KANK3: variants seen among roughly 807,000 people sequenced by gnomAD.
The protein encoded by KANK3 is KN motif and ankyrin repeat domains 3, also known as KN motif and ankyrin repeat domain-containing protein 3.
In KANK3, 61 loss-of-function variants were observed where a neutral mutation model predicts 65.4. That is an observed-to-expected ratio of 0.93 (90% CI 0.76 to 1.15). The LOEUF (loss-of-function observed/expected upper bound fraction) is 1.15, where lower values mean the gene tolerates loss of function less well. KANK3 is among the 50% of genes most tolerant of loss of function. KANK3 has a pLI of 0.00. For synonymous variants in KANK3, 586 were observed against 543.3 expected, an observed-to-expected ratio of 1.08 and a Z score of -1.09; for missense variants, 1,187 against 1,178.8, an observed-to-expected ratio of 1.01 and a Z score of -0.10.
intron 7 of KANK3, among the ~76,000 whole-genome samples, chr19:8,328,564 G>C (rs978891392): frequency 6.6e-6 from 1 of 152,034 alleles, no homozygotes. Context: ...ATCCACAACA[G>C]GCTGAAGGAG....
chr19:8,332,963 T>G, intron 7 of KANK3, 51 bp downstream of exon 7: 8 of 989,744 alleles, frequency 8.1e-6, no homozygotes, highest in African/African-American at 1.6e-5. Flanking sequence ...GCCCCTGCCC[T>G]CTCCCCCCAC....
At position 8,334,725 on chromosome 19, in the gene KANK3, C is replaced by G; in HGVS notation, c.1102G>C (p.Val368Leu). 1 of 1,530,428 alleles carries G rather than the reference C, an allele frequency of 6.5e-7. No homozygotes were observed. Among genetic ancestry groups the G allele is most frequent in the Non-Finnish European group, 8.7e-7 (1 of 1,145,348 alleles). 94.8% of individuals were successfully genotyped at this position (1,530,428 alleles called of 1,614,324 possible). Residue 368 changes from valine (V) to leucine (L), a missense_variant, in exon 3 of 11, where the codon GTG becomes CTG. Val to Leu is a conservative substitution (Grantham distance 32, BLOSUM62 1). This residue lies in a region of KANK3 where 1,078 missense variants were observed against 1,038.2 expected (regional missense o/e 1.04). Coordinates refer to ENST00000330915, the MANE Select transcript of KANK3 (RefSeq NM_198471.3). ...LRASLEHQRGVSELLRGRLRE... is the reference protein window; with the variant it reads ...LRASLEHQRGLSELLRGRLRE... ...AACCGGCCCCGCAGAAGCTCACTCA[C>G]CCCGCGCTGGTGCTCCAGACTGGCG...
Position 8,338,709 on chromosome 19 carries a change from AC to A in KANK3, c.-28-854del, listed in dbSNP as rs201491244. ...GTTAACACGGTGAAACCCCATCTCT[AC>A]TAAAAATATAAAAAAGTAGCCGGGC... On this transcript the variant is annotated intron_variant, in intron 1 of 10. Coordinates refer to ENST00000330915, the MANE Select transcript of KANK3 (RefSeq NM_198471.3). Among the ~76,000 whole-genome samples the A allele has an allele frequency of 2.2e-3, 336 of 151,880 alleles. 4 individuals are homozygous for A. Among genetic ancestry groups the A allele is most frequent in the East Asian group, 7.4e-3 (38 of 5,116 alleles).
chr19:8,338,086 A>T, intron 1 of KANK3: 1 of 509,414 alleles, frequency 2.0e-6, no homozygotes, highest in Non-Finnish European at 2.5e-6. Context: ...CAATGCCACA[A>T]TCTCGGCTCA....
chr19:8,334,639 C>G lies in KANK3; in HGVS notation c.1188G>C (p.Gln396His). ...AEEAAAGARA[Q>H]LREATTQTPW... ...GGGTCTGGGTGGTGGCCTCGCGTAGCTGGGCCCGGGCCCCCGCCGCTGCCT... is the reference window on the plus strand; with the variant it reads ...GGGTCTGGGTGGTGGCCTCGCGTAGGTGGGCCCGGGCCCCCGCCGCTGCCT... Residue 396 changes from glutamine to histidine, a missense_variant, in exon 3 of 11, where the codon CAG becomes CAC. Coordinates refer to ENST00000330915, the MANE Select transcript of KANK3 (RefSeq NM_198471.3). The G allele has an allele frequency of 6.5e-7, 1 of 1,537,370 alleles. No homozygotes were observed. The highest frequency in any genetic ancestry group is 8.7e-7 in the Non-Finnish European group (1 of 1,148,228).
Position 8,322,882 on chromosome 19 carries a change from T to A in KANK3, c.2423A>T (p.Glu808Val). ...PPGSQTATPG[E>V]GECGDNGENP... ...CTCTCCATTGTCACCGCATTCTCCT[T>A]CACCAGGTGTGGCTGTCTGGGAGCC... Residue 808 changes from glutamate (E) to valine (V), a missense_variant, in exon 11 of 11, where the codon GAA becomes GTA. Glu to Val is a moderately radical substitution (Grantham distance 121, BLOSUM62 -2). Transcript: ENST00000330915. 1 of 1,578,308 alleles carries A rather than the reference T, an allele frequency of 6.3e-7. No homozygotes were observed. The highest frequency in any genetic ancestry group is 2.3e-5 in the East Asian group (1 of 43,530).
In KANK3 at chr19:8,333,273, G is replaced by C. The variant is rs1970563213; in HGVS notation, c.1720-43C>G. Reference sequence around the variant, plus strand: ...CAAGATAACATCGGCGATGGTCCACGGCGGCGCCGTGGTGGGGGAGCTGGG... The same window carrying C: ...CAAGATAACATCGGCGATGGTCCACCGCGGCGCCGTGGTGGGGGAGCTGGG... On this transcript the variant is annotated intron_variant, in intron 6 of 10. Coordinates refer to ENST00000330915, the MANE Select transcript of KANK3 (RefSeq NM_198471.3). The surrounding 1 kb of genome is among the most constrained non-coding windows in gnomAD (Gnocchi z 5.0). 1 of 1,522,912 alleles carries C rather than the reference G, an allele frequency of 6.6e-7. No homozygotes were observed. The highest frequency in any genetic ancestry group is 1.4e-5 in the African/African-American group (1 of 73,070). 94.3% of individuals were successfully genotyped at this position (1,522,912 alleles called of 1,614,324 possible). A position where few individuals can be genotyped will look rare whatever the true frequency, so the allele number is the denominator to read the frequency against.
chr19:8,337,972 C>A, intron 1 of KANK3, 116 bp from the exon 2 acceptor site: 1 of 1,464,670 alleles, frequency 6.8e-7, no homozygotes, highest in Non-Finnish European at 9.0e-7. Context: ...AGCCACCTCC[C>A]TCCACACATG....
At position 8,341,504 on chromosome 19, in the gene KANK3, G is replaced by A. The variant is rs192944888; in HGVS notation, c.-29+1721C>T. Among the ~76,000 whole-genome samples the A allele has an allele frequency of 7.8e-4, 119 of 152,116 alleles. 1 individual carries two copies. Among genetic ancestry groups the A allele is most frequent in the East Asian group, 5.2e-3 (27 of 5,172 alleles). On this transcript the variant is annotated intron_variant, in intron 1 of 10. Coordinates refer to ENST00000330915, the MANE Select transcript of KANK3 (RefSeq NM_198471.3). ...CAGCTCACTGCAATCTCCGCCTCCC[G>A]GGTTCAAGTGATTCTCCTGCCTCAG... is the stretch of plus-strand genomic sequence containing the variant.
At chr19:8,337,619 T>C (rs1970663975) in intron 2 of KANK3, among the ~76,000 whole-genome samples, 176 bp downstream of exon 2, 1 of 152,108 alleles carries the variant, frequency 6.6e-6, no homozygotes, top group African/African-American at 2.4e-5. Context: ...GTGCTGGGAT[T>C]ACAGGCATGA....
intron 1 of KANK3, among the ~76,000 whole-genome samples, chr19:8,341,392 T>C (rs1970721980): frequency 1.3e-5 from 2 of 151,762 alleles, no homozygotes; most frequent in Non-Finnish European, 2.9e-5. Context: ...ACCTGGCTAA[T>C]TCAGGCTAAT....
intron 10 of KANK3, among the ~76,000 whole-genome samples, chr19:8,323,747 A>G (rs1235178185): frequency 2.6e-5 from 4 of 152,146 alleles, no homozygotes; most frequent in Admixed American, 1.3e-4. Context: ...ATAAATAAAA[A>G]ATGGTAAGTG....
chr19:8,338,670 T>A (rs938284873), intron 1 of KANK3, among the ~76,000 whole-genome samples: 1 of 151,530 alleles, frequency 6.6e-6, no homozygotes. Flanking sequence ...GGTCAGGAGA[T>A]CGAGACCATC....
chr19:8,333,150 C>T lies in KANK3; in HGVS notation c.1800G>A (p.Met600Ile). Residue 600 changes from methionine to isoleucine, a missense_variant, in exon 7 of 11, where the codon ATG becomes ATA. This residue lies in a region of KANK3 where 1,078 missense variants were observed against 1,038.2 expected (regional missense o/e 1.04). Transcript: ENST00000330915. The surrounding 1 kb of genome is among the most constrained non-coding windows in gnomAD (Gnocchi z 5.0). The part of the protein sequence containing the change: ...RRSQAEPVAR[M>I]LEGVRRLGPE... ...GTCCCAGGCGCCTCACCCCTTCCAGCATCCTGGCCACGGGCTCCGCCTGAG... is the reference window on the plus strand; with the variant it reads ...GTCCCAGGCGCCTCACCCCTTCCAGTATCCTGGCCACGGGCTCCGCCTGAG... 6.2e-7 allele frequency: 1 copy of T among 1,613,088 alleles called. No homozygotes were observed. The highest frequency in any genetic ancestry group is 2.2e-5 in the East Asian group (1 of 44,882).
intron 7 of KANK3, among the ~76,000 whole-genome samples, chr19:8,331,078 A>G (rs1970515144): frequency 6.6e-6 from 1 of 151,858 alleles, no homozygotes; most frequent in Non-Finnish European, 1.5e-5. Flanking sequence ...CTGTAGTCCC[A>G]GCTACTCGGG....
chr19:8,338,804 G>A (rs1360684456), intron 1 of KANK3, among the ~76,000 whole-genome samples: 2 of 150,022 alleles, frequency 1.3e-5, no homozygotes, highest in African/African-American at 4.9e-5. Flanking sequence ...GAACCCGGGA[G>A]GCGGAGCTTG....
chr19:8,340,291 T>TATATATATATAC (rs1472181365), intron 1 of KANK3, among the ~76,000 whole-genome samples: 12 of 92,860 alleles, frequency 1.3e-4, no homozygotes, highest in African/African-American at 4.0e-4. Context: ...TATATATATA[T>TATATATATATAC]ACACACACAC....
intron 7 of KANK3, among the ~76,000 whole-genome samples, chr19:8,327,125 G>A (rs2913948): frequency 0.31 from 46,565 of 151,906 alleles, 7,366 homozygotes; most frequent in African/African-American, 0.34. Flanking sequence ...AAGGAGCGGG[G>A]TCGGGGTCAT....
rs573479065 is a variant in KANK3, at chr19:8,325,088, C to T, written c.1945G>A (p.Glu649Lys). The T allele has an allele frequency of 3.7e-5, 60 of 1,612,064 alleles. No individual in the cohort carries two copies. The East Asian group carries it at 1.1e-3, about 30-fold the overall frequency. The change falls in exon 8 of 11, where the codon GAG (glutamate) becomes AAG (lysine). Residue 649 changes from glutamate (E) to lysine (K), a missense_variant. Glu to Lys is a moderately conservative substitution (Grantham distance 56). Transcript: ENST00000330915. ...ASLLLDTGACEVNRQNRAGYS... is the reference protein window; with the variant it reads ...ASLLLDTGACKVNRQNRAGYS... The stretch of plus-strand genomic sequence containing the variant: ...CCGGCTCGGTTCTGGCGGTTGACCT[C>T]GCAGGCCCCTGGGAGAGAAAAGGGG...
Sources: allele counts gnomAD v4.1 joint callset (sites outside exome capture counted in the v4.1 genomes callset), GRCh38; gene constraint gnomAD v4.1.1; regional missense constraint gnomAD v4.1.1; non-coding constraint Gnocchi (gnomAD v3.1); transcripts MANE v1.5; gene names NCBI Gene and HGNC (gene_info 2026-07-23, HGNC 2026-07-21).